HIKESHI: variants seen among roughly 807,000 people sequenced by gnomAD.
The protein encoded by HIKESHI is protein Hikeshi.
In HIKESHI, 13 loss-of-function variants were observed where a neutral mutation model predicts 25.7. The ratio of observed to expected loss-of-function variants is 0.51; its 90% CI spans 0.33 to 0.80. The LOEUF (loss-of-function observed/expected upper bound fraction) is 0.80. HIKESHI is among the 30% of genes least tolerant of loss of function. The pLI is 0.02. For synonymous variants in HIKESHI, 76 were observed against 78.7 expected, an observed-to-expected ratio of 0.97 and a Z score of 0.18; for missense variants, 174 against 229.5, an observed-to-expected ratio of 0.76 and a Z score of 1.56.
At chr11:86,343,059 G>A (rs1342590789) in intron 3 of HIKESHI, among the ~76,000 whole-genome samples, 10 of 152,150 alleles carry the variant, frequency 6.6e-5, no homozygotes. Flanking sequence ...CTTTCCATAT[G>A]TGACATGTTA....
chr11:86,317,959 T>G (rs1382953759), intron 2 of HIKESHI, among the ~76,000 whole-genome samples: 1 of 152,106 alleles, frequency 6.6e-6, no homozygotes, highest in Non-Finnish European at 1.5e-5. Context: ...TTGGCTATTT[T>G]CTAGAAGAAT....
chr11:86,326,494 T>C (rs1180829870), intron 2 of HIKESHI: 3 of 455,878 alleles, frequency 6.6e-6, no homozygotes, highest in Non-Finnish European at 1.3e-5. Flanking sequence ...GAAGACTTTG[T>C]TGTGTTCTCA....
At chr11:86,333,151 T>C (rs1947464680) in intron 2 of HIKESHI, among the ~76,000 whole-genome samples, 2 of 152,162 alleles carry the variant, frequency 1.3e-5, no homozygotes, top group Admixed American at 1.3e-4. Flanking sequence ...ATAAGCAAAA[T>C]TACCTACTAT....
Position 86,334,236 on chromosome 11 carries a change from A to G in HIKESHI, c.269-3143A>G, listed in dbSNP as rs557622702. Among the ~76,000 whole-genome samples the G allele has an allele frequency of 4.1e-3, 609 of 147,120 alleles. 2 individuals are homozygous for G. The highest frequency in any genetic ancestry group is 6.1e-3 in the Non-Finnish European group (406 of 66,246). ...TTCTTCTCAACATTCTTTGTAAAAT[A>G]TGTGTGTGTGTGTGTGTGTGTGTGT... On this transcript the variant is annotated intron_variant, in intron 2 of 4. Coordinates refer to ENST00000278483, the MANE Select transcript of HIKESHI (RefSeq NM_016401.4).
intron 2 of HIKESHI, among the ~76,000 whole-genome samples, chr11:86,309,149 T>A (rs187141475): frequency 4.3e-4 from 65 of 152,310 alleles, no homozygotes; most frequent in African/African-American, 1.5e-3. Flanking sequence ...CACCACACTG[T>A]CTTCCACAAT....
chr11:86,312,109 T>C (rs1400807490), intron 2 of HIKESHI, among the ~76,000 whole-genome samples: 1 of 152,216 alleles, frequency 6.6e-6, no homozygotes, highest in Non-Finnish European at 1.5e-5. Context: ...AGTTCCTGGA[T>C]ATCCTTGTTA....
At chr11:86,306,206 A>G in intron 1 of HIKESHI, 39 bp from the exon 2 acceptor site, 1 of 1,365,694 alleles carries the variant, frequency 7.3e-7, no homozygotes, top group Non-Finnish European at 1.0e-6. Context: ...ACAGAAACTC[A>G]TAGAACCATT....
At chr11:86,302,610 T>A in intron 1 of HIKESHI, 132 bp downstream of exon 1, 1 of 1,014,046 alleles carries the variant, frequency 9.9e-7, no homozygotes, top group Non-Finnish European at 1.4e-6. Context: ...TATGTGAGGA[T>A]GGAGCGTGGG....
chr11:86,316,505 C>A (rs1946982541), intron 2 of HIKESHI, among the ~76,000 whole-genome samples: 1 of 151,536 alleles, frequency 6.6e-6, no homozygotes, highest in Admixed American at 6.6e-5. Flanking sequence ...GAGTGAGACT[C>A]CATCTTCAAA....
intron 3 of HIKESHI, among the ~76,000 whole-genome samples, chr11:86,337,743 C>T (rs919348683): frequency 9.2e-5 from 14 of 152,102 alleles, no homozygotes; most frequent in African/African-American, 1.7e-4. Context: ...CTGCAATTTC[C>T]GCCTCCCGGG....
intron 2 of HIKESHI, among the ~76,000 whole-genome samples, chr11:86,319,901 T>G (rs1003562492): frequency 2.7e-5 from 4 of 149,278 alleles, no homozygotes; most frequent in African/African-American, 9.7e-5. Context: ...TTGTAATTTA[T>G]TAATTGAGTA....
At chr11:86,308,024 T>G (rs1298202165) in intron 2 of HIKESHI, among the ~76,000 whole-genome samples, 17 of 124,450 alleles carry the variant, frequency 1.4e-4, no homozygotes, top group Non-Finnish European at 2.2e-4. Flanking sequence ...ATATACATAT[T>G]ATAAATATAT....
chr11:86,334,534 CTCT>C (rs1223962779), intron 2 of HIKESHI, among the ~76,000 whole-genome samples: 4 of 152,092 alleles, frequency 2.6e-5, no homozygotes, highest in Non-Finnish European at 4.4e-5. Flanking sequence ...ATTTTGCTTG[CTCT>C]TCTTTGTATT....
intron 2 of HIKESHI, among the ~76,000 whole-genome samples, chr11:86,314,471 C>T (rs1455588397): frequency 6.6e-6 from 1 of 151,946 alleles, no homozygotes; most frequent in African/African-American, 2.4e-5. Context: ...AAAAATTAGC[C>T]AGGCATGGTG....
chr11:86,339,660 G>A (rs904729159), intron 3 of HIKESHI, among the ~76,000 whole-genome samples: 2 of 151,990 alleles, frequency 1.3e-5, no homozygotes, highest in Non-Finnish European at 2.9e-5. Context: ...AGTACTATCT[G>A]TATCTGTTTA....
chr11:86,322,682 C>T (rs1947181379), intron 2 of HIKESHI, among the ~76,000 whole-genome samples: 1 of 152,042 alleles, frequency 6.6e-6, no homozygotes, highest in Non-Finnish European at 1.5e-5. Flanking sequence ...AAATCTTTGC[C>T]TAACCCAAGG....
chr11:86,318,825 A>G (rs1292602217), intron 2 of HIKESHI, among the ~76,000 whole-genome samples: 1 of 152,210 alleles, frequency 6.6e-6, no homozygotes, highest in Non-Finnish European at 1.5e-5. Flanking sequence ...CAGATTCTAC[A>G]ATTAGAACAT....
chr11:86,304,671 A>G (rs576011634), intron 1 of HIKESHI, among the ~76,000 whole-genome samples: 1 of 152,030 alleles, frequency 6.6e-6, no homozygotes, highest in South Asian at 2.1e-4. Context: ...ATGTGCCCCC[A>G]TGCCCAGCTA....
At chr11:86,333,731 T>C (rs549474930) in intron 2 of HIKESHI, among the ~76,000 whole-genome samples, 1 of 152,100 alleles carries the variant, frequency 6.6e-6, no homozygotes, top group South Asian at 2.1e-4. Context: ...AGACAAATGC[T>C]GAAAGCAGGG....
Sources: allele counts gnomAD v4.1 joint callset (sites outside exome capture counted in the v4.1 genomes callset), GRCh38; gene constraint gnomAD v4.1.1; transcripts MANE v1.5; gene names NCBI Gene and HGNC (gene_info 2026-07-23, HGNC 2026-07-21).